Variants in FCGR2B observed in about 807,000 individuals in gnomAD.
FCGR2B encodes the protein low affinity immunoglobulin gamma Fc region receptor II-b.
FCGR2B carries 18 observed loss-of-function variants against 24.8 expected under a neutral mutation model. That is an observed-to-expected ratio of 0.73 (90% CI 0.50 to 1.08). The LOEUF (loss-of-function observed/expected upper bound fraction) is 1.08. Ranked by LOEUF, FCGR2B falls within the 50% of genes least tolerant of loss-of-function variation. The probability of loss-of-function intolerance (pLI) is 0.00; values close to 1 mark genes in which losing one functional copy is unlikely to be tolerated. For missense variants in FCGR2B, 215 were observed against 297.6 expected, an observed-to-expected ratio of 0.72 and a Z score of 2.04; for synonymous variants, 79 against 109.8, an observed-to-expected ratio of 0.72 and a Z score of 1.75.
chr1:161,672,143 C>CA (rs1412966103), intron 3 of FCGR2B: 2 of 158,964 alleles, frequency 1.3e-5, no homozygotes, highest in African/African-American at 5.0e-5. Context: ...CTTTCTCTTC[C>CA]ACCAGCCTGT....
At chr1:161,649,510 G>A in the FCGR2B span, among the ~76,000 whole-genome samples, 6 of 150,884 alleles carry the variant, frequency 4.0e-5, 1 homozygote, top group Non-Finnish European at 7.4e-5. Context: ...ACCACTAAAT[G>A]ACATCTTTTC....
At chr1:161,656,024 T>G in the FCGR2B span, among the ~76,000 whole-genome samples, 2 of 131,418 alleles carry the variant, frequency 1.5e-5, no homozygotes, top group East Asian at 3.9e-4. Flanking sequence ...CCTGGCTAAT[T>G]TTTTGTATTT....
At chr1:161,672,395 G>A (rs4999920) in intron 3 of FCGR2B, 24 of 165,054 alleles carry the variant, frequency 1.5e-4, no homozygotes, top group African/African-American at 2.2e-4. Flanking sequence ...CACAGCAAAC[G>A]AATGACCCAC....
At chr1:161,676,565 T>C (rs1682158663) in intron 6 of FCGR2B, 1 of 164,976 alleles carries the variant, frequency 6.1e-6, no homozygotes, top group Admixed American at 6.4e-5. Flanking sequence ...TTGGGAAATG[T>C]AATAGAATGG....
At chr1:161,671,803 A>C in intron 3 of FCGR2B, 154 bp downstream of exon 3, 1 of 1,422,224 alleles carries the variant, frequency 7.0e-7, no homozygotes, top group Non-Finnish European at 9.4e-7. Context: ...TTTTTGCCTC[A>C]GTTCTGATTG....
At chr1:161,649,416 G>C in the FCGR2B span, among the ~76,000 whole-genome samples, 2 of 150,954 alleles carry the variant, frequency 1.3e-5, no homozygotes, top group African/African-American at 4.9e-5. Context: ...ACAAAGAATG[G>C]AAGTTCATTT....
chr1:161,673,401 G>C (rs1240952807), intron 4 of FCGR2B, 172 bp downstream of exon 4: 2 of 820,204 alleles, frequency 2.4e-6, no homozygotes, highest in African/African-American at 3.4e-5. Context: ...GCAGGAGTAG[G>C]GGCCAGAGCT....
In FCGR2B at chr1:161,678,052, A is replaced by G. The variant is rs765704389; in HGVS notation, c.*499A>G. 1.0e-4 allele frequency: 22 copies of G among 217,412 alleles called. No individual in the cohort carries two copies. Among genetic ancestry groups the G allele is most frequent in the Non-Finnish European group, 1.9e-4 (21 of 108,084 alleles). 13.5% of individuals were successfully genotyped at this position (217,412 alleles called of 1,614,324 possible). A position where few individuals can be genotyped will look rare whatever the true frequency, so the allele number is the denominator to read the frequency against. On this transcript the variant is annotated 3_prime_UTR_variant, in exon 8 of 8. Coordinates refer to ENST00000358671, the MANE Select transcript of FCGR2B (RefSeq NM_001394477.1). ...ACTTTTATAATAAAACATTATAAAA[A>G]CAACATTCTGTTTACCTTTTCAAGG...
At chr1:161,661,126 GA>G (rs1336531765), upstream of FCGR2B, among the ~76,000 whole-genome samples, 12 of 105,342 alleles carry the variant, frequency 1.1e-4, no homozygotes, top group Non-Finnish European at 1.7e-4. Flanking sequence ...AAGTAAGAAA[GA>G]AAGAAAAAGA....
the FCGR2B span, among the ~76,000 whole-genome samples, chr1:161,648,836 C>T: frequency 2.0e-5 from 3 of 150,768 alleles, no homozygotes; most frequent in Non-Finnish European, 4.4e-5. Context: ...ACTACAGGCA[C>T]ACACCAGCAT....
the FCGR2B span, among the ~76,000 whole-genome samples, chr1:161,649,451 G>A: frequency 1.7e-4 from 26 of 151,154 alleles, 3 homozygotes; most frequent in Admixed American, 6.6e-4. Context: ...ACTCTACCCT[G>A]CTGTCATCTT....
chr1:161,676,133 TGTA>T (rs1385880804), intron 6 of FCGR2B: 6 of 229,680 alleles, frequency 2.6e-5, no homozygotes, highest in African/African-American at 1.3e-4. Flanking sequence ...ACTTCCAGAC[TGTA>T]GTTAAAGTCA....
chr1:161,647,980 G>A, the FCGR2B span, among the ~76,000 whole-genome samples: 1 of 150,836 alleles, frequency 6.6e-6, no homozygotes, highest in African/African-American at 2.5e-5. Flanking sequence ...GTAACTCATG[G>A]AAGGCTTTAT....
chr1:161,649,637 C>T, the FCGR2B span, among the ~76,000 whole-genome samples: 108 of 150,640 alleles, frequency 7.2e-4, 4 homozygotes, highest in Non-Finnish European at 1.2e-3. Context: ...TTAAAGGACA[C>T]GGAAGCTACC....
the FCGR2B span, among the ~76,000 whole-genome samples, chr1:161,652,226 A>G: frequency 7.5e-6 from 1 of 132,856 alleles, no homozygotes; most frequent in Non-Finnish European, 1.7e-5. Context: ...TGGGATTTCA[A>G]TTACATATAT....
the FCGR2B span, among the ~76,000 whole-genome samples, chr1:161,653,952 C>T: frequency 0.038 from 4,267 of 111,124 alleles, 78 homozygotes; most frequent in Middle Eastern, 0.12. Flanking sequence ...TGCGTGAAGA[C>T]AGCTTTAGAC....
intron 4 of FCGR2B, 133 bp downstream of exon 4, chr1:161,673,362 T>C (rs1681855454): frequency 3.2e-6 from 5 of 1,572,704 alleles, no homozygotes; most frequent in Non-Finnish European, 3.5e-6. Context: ...AGGAGTGGTG[T>C]GGAGGCCTGG....
At chr1:161,660,874 C>G (rs1234996325), upstream of FCGR2B, among the ~76,000 whole-genome samples, 8 of 31,260 alleles carry the variant, frequency 2.6e-4, no homozygotes, top group Admixed American at 3.9e-4. Context: ...TCCAACATGG[C>G]AAAACCTCAG....
At chr1:161,677,120 G>T in intron 6 of FCGR2B, 3 of 581,534 alleles carry the variant, frequency 5.2e-6, no homozygotes, top group South Asian at 2.2e-5. Flanking sequence ...TTTTCACCTT[G>T]GCCTTTGCGG....
Sources: allele counts gnomAD v4.1 joint callset (sites outside exome capture counted in the v4.1 genomes callset), GRCh38; gene constraint gnomAD v4.1.1; transcripts MANE v1.5; gene names NCBI Gene and HGNC (gene_info 2026-07-23, HGNC 2026-07-21).